The following SFI1 variants were observed in gnomAD, a reference collection of about 807,000 sequenced individuals.
SFI1 encodes the protein protein SFI1 homolog.
A neutral mutation model predicts 207.5 loss-of-function variants in SFI1; 195 were observed. That is an observed-to-expected ratio of 0.94 (90% confidence interval 0.84 to 1.06). SFI1 has a LOEUF of 1.06. Ranked by LOEUF, SFI1 falls within the 50% of genes least tolerant of loss-of-function variation. The pLI is 0.00. For missense variants in SFI1, 1,634 were observed against 1,588.0 expected, an observed-to-expected ratio of 1.03 and a Z score of -0.49; for synonymous variants, 630 against 598.9, an observed-to-expected ratio of 1.05 and a Z score of -0.76.
chr22:31,565,881 C>G (rs2062243395), intron 8 of SFI1, among the ~76,000 whole-genome samples: 1 of 152,058 alleles, frequency 6.6e-6, no homozygotes, highest in Admixed American at 6.6e-5. Context: ...GTTGCCCAGG[C>G]TGTTCTTGAA....
chr22:31,502,892 T>G lies in SFI1; in HGVS notation c.-30-5363T>G, dbSNP rs185619398. The stretch of plus-strand genomic sequence containing the variant: ...ACTTTGGGAGGCTGAGGCGGGCAGA[T>G]CACTTGAGGTCAGGAATTCAAGACC... On this transcript the variant is annotated intron_variant, in intron 1 of 32. Coordinates refer to ENST00000400288, the MANE Select transcript of SFI1 (RefSeq NM_001007467.3). Among the ~76,000 whole-genome samples, 10 of 152,018 alleles carry G rather than the reference T, an allele frequency of 6.6e-5. No individual in the cohort carries two copies. The East Asian group carries it at 1.9e-3, about 29-fold the overall frequency.
At chr22:31,508,420 T>G (rs755942641) in intron 2 of SFI1, 44 bp downstream of exon 2, 1 of 1,352,682 alleles carries the variant, frequency 7.4e-7, no homozygotes. Flanking sequence ...GGAATGATGG[T>G]TCATATAAAA....
At chr22:31,589,703 AGTAAT>A in intron 15 of SFI1, 126 bp downstream of exon 15, 1 of 955,020 alleles carries the variant, frequency 1.0e-6, no homozygotes, top group Non-Finnish European at 1.5e-6. Flanking sequence ...CTGGATTTTC[AGTAAT>A]GTGGGCTCAT....
At chr22:31,571,498 A>G (rs921510111) in intron 8 of SFI1, among the ~76,000 whole-genome samples, 35 of 148,876 alleles carry the variant, frequency 2.4e-4, no homozygotes, top group Non-Finnish European at 3.9e-4. Flanking sequence ...TTTTTTTGGT[A>G]GAGACAGAGT....
chr22:31,605,953 C>T (rs2068894952), intron 20 of SFI1: 4 of 227,320 alleles, frequency 1.8e-5, no homozygotes, highest in East Asian at 2.1e-4. Flanking sequence ...ACTCCCTGAG[C>T]TAACTCAGCA....
At chr22:31,568,355 C>T (rs945393537) in intron 8 of SFI1, among the ~76,000 whole-genome samples, 4 of 149,898 alleles carry the variant, frequency 2.7e-5, no homozygotes, top group South Asian at 2.1e-4. Flanking sequence ...GGTGAAATCC[C>T]GTCTCTACTA....
chr22:31,613,704 C>T lies in SFI1; in HGVS notation c.2845C>T (p.Pro949Ser), dbSNP rs1455304859. The T allele has an allele frequency of 3.1e-6, 5 of 1,612,430 alleles. No homozygotes were observed. The highest frequency in any genetic ancestry group is 2.7e-5 in the African/African-American group (2 of 74,942). ...GKPQPLAAIAPSRKVTFEGPL... is the reference protein window; with the variant it reads ...GKPQPLAAIASSRKVTFEGPL... ...GCCTCAGCCCCTGGCAGCCATCGCA[C>T]CCAGCAGGAAAGTGACGTTTGAGGG... The change falls in exon 27 of 33, where the codon CCC becomes TCC. Residue 949 changes from proline to serine, a missense_variant. Pro to Ser is a moderately conservative substitution (Grantham distance 74). Coordinates refer to ENST00000400288, the MANE Select transcript of SFI1 (RefSeq NM_001007467.3).
chr22:31,511,083 C>A (rs1311833969), intron 2 of SFI1, among the ~76,000 whole-genome samples: 2 of 152,038 alleles, frequency 1.3e-5, no homozygotes, highest in African/African-American at 4.8e-5. Flanking sequence ...GGGTCTTGGG[C>A]AAAGTGGGAG....
intron 2 of SFI1, 103 bp downstream of exon 2, chr22:31,508,479 ACT>A (rs2054995788): frequency 2.6e-6 from 2 of 770,716 alleles, no homozygotes; most frequent in Non-Finnish European, 4.1e-6. Flanking sequence ...TGAGGTAGTA[ACT>A]GTGGGTAAGT....
At chr22:31,573,471 C>G (rs985329939) in intron 9 of SFI1, among the ~76,000 whole-genome samples, 1 of 146,404 alleles carries the variant, frequency 6.8e-6, no homozygotes, top group African/African-American at 2.5e-5. Flanking sequence ...GAGTTTCGCT[C>G]TTGTCACCCA....
intron 1 of SFI1, among the ~76,000 whole-genome samples, chr22:31,503,070 A>AAAAAAG (rs970799110): frequency 3.3e-5 from 5 of 151,772 alleles, no homozygotes; most frequent in African/African-American, 9.7e-5. Flanking sequence ...AAAAAAAAAA[A>AAAAAAG]AAAGGTGTAA....
chr22:31,588,561 T>TCC (rs1335377307), intron 14 of SFI1, among the ~76,000 whole-genome samples: 1 of 152,216 alleles, frequency 6.6e-6, no homozygotes, highest in Non-Finnish European at 1.5e-5. Flanking sequence ...ATGCCTGTAA[T>TCC]CCCAGCACTT....
rs2058480949 is a variant in SFI1 at position 31,531,139 on chromosome 22, G to C, written c.338+10G>C. 3.7e-6 allele frequency: 6 copies of C among 1,602,834 alleles called. No homozygotes were observed. The highest frequency in any genetic ancestry group is 5.1e-6 in the Non-Finnish European group (6 of 1,172,566). ...TTCCCTCTAAAGCCAGGTAGTATTA[G>C]CTCAGAACAACATAATTGTGTTGAG... On this transcript the variant is annotated intron_variant, in intron 4 of 32. Transcript: ENST00000400288.
At chr22:31,558,690 C>T (rs192833805) in intron 7 of SFI1, among the ~76,000 whole-genome samples, 2 of 152,162 alleles carry the variant, frequency 1.3e-5, no homozygotes, top group African/African-American at 4.8e-5. Context: ...TGTTGGCCAG[C>T]CTTGTCTCGA....
intron 7 of SFI1, among the ~76,000 whole-genome samples, chr22:31,557,427 G>A (rs895104304): frequency 2.0e-5 from 3 of 151,366 alleles, no homozygotes; most frequent in Non-Finnish European, 4.4e-5. Flanking sequence ...GGGCTCAAGC[G>A]ATCTGCCCAC....
chr22:31,575,280 T>G lies in SFI1; in HGVS notation c.972T>G (p.Cys324Trp). Residue 324 changes from cysteine to tryptophan, a missense_variant, in exon 10 of 33, where the codon TGT becomes TGG. Physicochemically the swap from Cys to Trp is radical, Grantham distance 215. Transcript: ENST00000400288. Reference protein sequence around the residue: ...HHVTVLQIYFCDWQQAWERRE... With the variant: ...HHVTVLQIYFWDWQQAWERRE... ...TCACTGTGCTCCAGATATACTTCTGTGACTGGCAGCAGGCCTGGGAGCGGA... is the reference window on the plus strand; with the variant it reads ...TCACTGTGCTCCAGATATACTTCTGGGACTGGCAGCAGGCCTGGGAGCGGA... The G allele has an allele frequency of 6.2e-7, 1 of 1,613,018 alleles. No homozygotes were observed. Among genetic ancestry groups the G allele is most frequent in the Non-Finnish European group, 8.5e-7 (1 of 1,179,620 alleles).
At chr22:31,575,121 T>G (rs1356457901) in intron 9 of SFI1, 110 bp from the exon 10 acceptor site, 1 of 606,236 alleles carries the variant, frequency 1.6e-6, no homozygotes, top group Admixed American at 3.3e-5. Context: ...TGTGTGTGTG[T>G]GGCCTTGAAC....
chr22:31,532,809 C>T (rs1184936215), intron 4 of SFI1, among the ~76,000 whole-genome samples: 1 of 152,084 alleles, frequency 6.6e-6, no homozygotes, highest in African/African-American at 2.4e-5. Flanking sequence ...AGAGAAAAAA[C>T]TTACTTGCAA....
At chr22:31,533,222 A>G (rs1054500581) in intron 4 of SFI1, among the ~76,000 whole-genome samples, 3 of 152,136 alleles carry the variant, frequency 2.0e-5, no homozygotes, top group Admixed American at 2.0e-4. Flanking sequence ...AAAGTAGCCA[A>G]TGAAGGTTAA....
Sources: allele counts gnomAD v4.1 joint callset (sites outside exome capture counted in the v4.1 genomes callset), GRCh38; gene constraint gnomAD v4.1.1; transcripts MANE v1.5; gene names NCBI Gene and HGNC (gene_info 2026-07-23, HGNC 2026-07-21).